The following ARAP3 variants were observed in gnomAD, a reference collection of about 807,000 sequenced individuals.
ARAP3 encodes arf-GAP with Rho-GAP domain, ANK repeat and PH domain-containing protein 3.
Under a neutral mutation model 169.2 loss-of-function variants are expected in ARAP3, and 82 were observed. The ratio of observed to expected loss-of-function variants is 0.48; its 90% confidence interval spans 0.41 to 0.58. ARAP3 has a LOEUF of 0.58. Ranked by LOEUF, ARAP3 falls within the 20% of genes least tolerant of loss-of-function variation. The pLI, the probability that ARAP3 is intolerant of heterozygous loss-of-function variation, is 0.00. For missense variants in ARAP3, 1,764 were observed against 2,018.0 expected (o/e 0.87, Z 2.41); for synonymous variants, 791 against 800.3 (o/e 0.99, Z 0.20).
chr5:141,656,944 C>T, intron 25 of ARAP3, 98 bp from the exon 26 acceptor site: 2 of 1,454,826 alleles, frequency 1.4e-6, no homozygotes, highest in South Asian at 2.7e-5. Flanking sequence ...ACTATCCAAC[C>T]ACAGACATTT....
At position 141,661,741 on chromosome 5, in the gene ARAP3, C is replaced by T; in HGVS notation, c.3062G>A (p.Gly1021Asp). 1 of 1,614,216 alleles carries T rather than the reference C, an allele frequency of 6.2e-7. No homozygotes were observed. The highest frequency in any genetic ancestry group is 8.5e-7 in the Non-Finnish European group (1 of 1,180,042). Residue 1021 changes from glycine (G) to aspartate (D), a missense_variant, in exon 21 of 33, where the codon GGC (glycine) becomes GAC (aspartate). Around this residue, in one of 3 missense-constraint regions of ARAP3, gnomAD observed 1,112 missense variants for 1,285.7 expected, o/e 0.86. Coordinates refer to ENST00000239440, the MANE Select transcript of ARAP3 (RefSeq NM_022481.6). ...GCGGCGGTTGACCCGCGGCAGGCAG[C>T]CAATCACATCTTTATATTTCTCCAG... Reference protein sequence around the residue: ...QRLEKYKDVIGCLPRVNRRTL... With the variant: ...QRLEKYKDVIDCLPRVNRRTL...
rs2099912810 is a variant in ARAP3 at position 141,680,515 on chromosome 5, G to C, written c.-17-12C>G. 1 of 1,561,242 alleles carries C rather than the reference G, an allele frequency of 6.4e-7. No individual in the cohort carries two copies. The highest frequency in any genetic ancestry group is 1.2e-5 in the South Asian group (1 of 85,530). On this transcript the variant is annotated splice_polypyrimidine_tract_variant and intron_variant, in intron 1 of 32. Transcript: ENST00000239440. The stretch of plus-strand genomic sequence containing the variant: ...GGCTCAGGCCATTGCTGGGGGGAGG[G>C]GCAGGGTGAAGGGAGGGCTCAGGCT...
At position 141,671,267 on chromosome 5, in the gene ARAP3, G is replaced by T; in HGVS notation, c.1988C>A (p.Ser663Ter). ...PDGSCPGLLP[S>*]DPSPGVYNEV... ...GAGGAGGCACTTGGGGGAATGACCT[G>T]AGGGCAAGAGGCCAGGGCAGCTGCC... Residue 663 changes from serine to a stop codon, truncating the protein, a stop_gained and splice_region_variant, in exon 13 of 33, where the codon TCA (serine) becomes TAA (stop). Transcript: ENST00000239440. LOFTEE classifies it high-confidence loss of function. This position sits in a 1 kb window ranked among gnomAD's most constrained non-coding sequence, Gnocchi z 4.9. 1.2e-6 allele frequency: 2 copies of T among 1,602,760 alleles called. No individual in the cohort carries two copies. Among genetic ancestry groups the T allele is most frequent in the Non-Finnish European group, 1.7e-6 (2 of 1,174,678 alleles).
In ARAP3 at chr5:141,655,397, G is replaced by A. The variant is rs372420144; in HGVS notation, c.4114C>T (p.Arg1372Ter). The change falls in exon 32 of 33, where the codon CGA (arginine) becomes TGA (stop). Residue 1372 changes from arginine to a stop codon, truncating the protein, a stop_gained. Coordinates refer to ENST00000239440, the MANE Select transcript of ARAP3 (RefSeq NM_022481.6). LOFTEE classifies it high-confidence loss of function. ...TLLSANQTLR[R>*]LHNRRTLSMF... The stretch of plus-strand genomic sequence containing the variant: ...GACAGGGTCCTCCGGTTGTGTAGTC[G>A]CCGCTGGACACAGGTGGGGTGGGGA... The A allele has an allele frequency of 4.4e-6, 7 of 1,586,762 alleles. No individual in the cohort carries two copies. The highest frequency in any genetic ancestry group is 1.7e-4 in the Middle Eastern group (1 of 6,024).
intron 16 of ARAP3, among the ~76,000 whole-genome samples, chr5:141,668,339 C>T (rs1286068167): frequency 6.6e-6 from 1 of 152,134 alleles, no homozygotes; most frequent in Non-Finnish European, 1.5e-5. Context: ...GCAATCCTCC[C>T]GCCTCAGCCT....
At position 141,655,762 on chromosome 5, in the gene ARAP3, G is replaced by A; in HGVS notation, c.3973-4C>T. On this transcript the variant is annotated splice_polypyrimidine_tract_variant and splice_region_variant and intron_variant, in intron 30 of 32. Coordinates refer to ENST00000239440, the MANE Select transcript of ARAP3 (RefSeq NM_022481.6). ...CCACTGGCTGCTGGTCATCGTGCTG[G>A]TGGGAGCGTGAGGGGTTGGCATCAG... 6.2e-7 allele frequency: 1 copy of A among 1,614,210 alleles called. No homozygotes were observed.
Position 141,670,073 on chromosome 5 carries a change from AGG to A in ARAP3, c.2108-12_2108-11del. The A allele has an allele frequency of 1.9e-6, 3 of 1,584,108 alleles. No individual in the cohort carries two copies. Among genetic ancestry groups the A allele is most frequent in the Non-Finnish European group, 2.6e-6 (3 of 1,172,650 alleles). ...CAAAGGCGCGGGGGAGCTAAGGCAG[AGG>A]GAGATAGTCAGGGAGCAGCAGACCT... On this transcript the variant is annotated splice_polypyrimidine_tract_variant and intron_variant, in intron 14 of 32. Coordinates refer to ENST00000239440, the MANE Select transcript of ARAP3 (RefSeq NM_022481.6).
At chr5:141,655,808 G>A in intron 30 of ARAP3, 50 bp from the exon 31 acceptor site, 1 of 1,614,172 alleles carries the variant, frequency 6.2e-7, no homozygotes, top group East Asian at 2.2e-5. Context: ...AGGCACTGAG[G>A]AGGACAGCTG....
At chr5:141,667,435 C>CT (rs745903742) in intron 16 of ARAP3, among the ~76,000 whole-genome samples, 21,407 of 139,444 alleles carry the variant, frequency 0.15, 1,740 homozygotes, top group Admixed American at 0.26. Flanking sequence ...TACTTTCTTT[C>CT]TTTTTTTTTT....
Position 141,671,394 on chromosome 5 carries a change from A to G in ARAP3, c.1861T>C (p.Cys621Arg), listed in dbSNP as rs1229419308. The part of the protein sequence containing the change: ...PDHSQLLQAL[C>R]AAVARPNLLK... ...AGGTTGGGTCTTGCCACAGCTGCAC[A>G]CAGTGCCTGCAGGGAGGGAAGGGCC... The change falls in exon 13 of 33, where the codon TGT becomes CGT. Residue 621 changes from cysteine to arginine, a missense_variant. By Grantham distance (180) the Cys-to-Arg change is radical (BLOSUM62 -3). Around this residue, in one of 3 missense-constraint regions of ARAP3, gnomAD observed 1,112 missense variants for 1,285.7 expected, o/e 0.86. Coordinates refer to ENST00000239440, the MANE Select transcript of ARAP3 (RefSeq NM_022481.6). The surrounding 1 kb of genome is among the most constrained non-coding windows in gnomAD (Gnocchi z 4.9). 1 of 1,610,802 alleles carries G rather than the reference A, an allele frequency of 6.2e-7. No individual in the cohort carries two copies. Among genetic ancestry groups the G allele is most frequent in the South Asian group, 1.1e-5 (1 of 90,590 alleles).
chr5:141,673,959 CTTTTTT>C, intron 4 of ARAP3, 151 bp from the exon 5 acceptor site: 46 of 363,424 alleles, frequency 1.3e-4, no homozygotes, highest in Non-Finnish European at 1.5e-4. Context: ...TTCTTTTCTT[CTTTTTT>C]TTTTTTTTTT....
chr5:141,677,885 A>G (rs1005636004), intron 4 of ARAP3, among the ~76,000 whole-genome samples: 3 of 149,680 alleles, frequency 2.0e-5, no homozygotes, highest in African/African-American at 7.4e-5. Context: ...CCCGGGTTCA[A>G]GTGATTCTCC....
At chr5:141,659,551 C>T in intron 22 of ARAP3, 75 bp from the exon 23 acceptor site, 2 of 1,522,398 alleles carry the variant, frequency 1.3e-6, no homozygotes, top group Admixed American at 1.7e-5. Context: ...CCAAGGAGGA[C>T]CTGTTTAAGA....
chr5:141,665,254 G>C (rs1190598030), intron 18 of ARAP3, 57 bp downstream of exon 18: 3 of 1,602,146 alleles, frequency 1.9e-6, no homozygotes, highest in African/African-American at 1.3e-5. Context: ...CCAGGTTGCA[G>C]AGTATGGGCT....
In ARAP3 at chr5:141,661,795, G is replaced by C; in HGVS notation, c.3014-6C>G. ...CTGATTCTTCTGGGGCAGCTCTGGG[G>C]ATGGAATGGAGGAGGGTTGGGGAGG... On this transcript the variant is annotated splice_polypyrimidine_tract_variant and splice_region_variant and intron_variant, in intron 20 of 32. Coordinates refer to ENST00000239440, the MANE Select transcript of ARAP3 (RefSeq NM_022481.6). The C allele has an allele frequency of 1.2e-6, 2 of 1,614,142 alleles. No individual in the cohort carries two copies. Among genetic ancestry groups the C allele is most frequent in the Non-Finnish European group, 1.7e-6 (2 of 1,179,984 alleles).
Position 141,656,628 on chromosome 5 carries a change from C to A in ARAP3, c.3665G>T (p.Arg1222Leu), listed in dbSNP as rs754569933. 1 of 1,613,452 alleles carries A rather than the reference C, an allele frequency of 6.2e-7. No individual in the cohort carries two copies. Among genetic ancestry groups the A allele is most frequent in the Non-Finnish European group, 8.5e-7 (1 of 1,179,788 alleles). Residue 1222 changes from arginine (R) to leucine (L), a missense_variant, in exon 27 of 33, where the codon CGT (arginine) becomes CTT (leucine). By Grantham distance (102) the Arg-to-Leu change is moderately radical. This residue lies in a region of ARAP3 where 1,112 missense variants were observed against 1,285.7 expected (regional missense o/e 0.86). Coordinates refer to ENST00000239440, the MANE Select transcript of ARAP3 (RefSeq NM_022481.6). ...QAGCLFTGIR[R>L]ESPRVGLLRC... is the part of the protein sequence containing the mutation. ...CAACAGCCCCACCCGTGGGCTCTCA[C>A]GTCGGATACCTGGGCATAGATGGGC...
At chr5:141,655,427 G>A (rs1262909297) in intron 31 of ARAP3, 27 bp from the exon 32 acceptor site, 6 of 1,586,146 alleles carry the variant, frequency 3.8e-6, no homozygotes, top group Non-Finnish European at 5.1e-6. Flanking sequence ...TGGGGACAAG[G>A]GGAAGGAAAG....
Position 141,658,599 on chromosome 5 carries a change from C to T in ARAP3, c.3391G>A (p.Asp1131Asn), listed in dbSNP as rs1259021552. 8 of 1,612,996 alleles carry T rather than the reference C, an allele frequency of 5.0e-6. No individual in the cohort carries two copies. In the South Asian group the frequency reaches 8.8e-5, roughly 18 times the overall value. The change falls in exon 24 of 33, where the codon GAC (aspartate) becomes AAC (asparagine). Residue 1131 changes from aspartate to asparagine, a missense_variant. Coordinates refer to ENST00000239440, the MANE Select transcript of ARAP3 (RefSeq NM_022481.6). ...MEVYIEQQLP[D>N]NCVTLKVSPT... ...CCAACCTTCAGGGTGACACAGTTGT[C>T]TGGGAGCTGCTGCTCTATATAAACT...
At chr5:141,655,487 G>A in intron 31 of ARAP3, 87 bp from the exon 32 acceptor site, 1 of 1,578,502 alleles carries the variant, frequency 6.3e-7, no homozygotes, top group Non-Finnish European at 8.7e-7. Flanking sequence ...GTGGGGAATG[G>A]GGGTGAAGAA....
Sources: gnomAD v4.1 joint callset for allele counts (sites outside exome capture counted in the v4.1 genomes callset) on GRCh38, gnomAD v4.1.1 for gene constraint, gnomAD v4.1.1 regional missense constraint, Gnocchi (gnomAD v3.1) non-coding constraint, MANE v1.5 for transcripts, NCBI Gene and HGNC (gene_info 2026-07-23, HGNC 2026-07-21) for gene names.